Variants in NOA1 observed in about 807,000 individuals in gnomAD.
NOA1 encodes the protein nitric oxide associated 1, also known as nitric oxide-associated protein 1.
Under a neutral mutation model 58.4 loss-of-function variants are expected in NOA1, and 35 were observed. The observed-to-expected ratio is 0.60, with a 90% CI of 0.46 to 0.79. The LOEUF is 0.79. Among genes scored for constraint, NOA1 ranks in the 30% least tolerant of loss-of-function variants. NOA1 has a pLI of 0.00. For synonymous variants in NOA1, 397 were observed against 373.4 expected (o/e 1.06, Z -0.73); for missense variants, 895 against 894.6 (o/e 1.00, Z -0.01).
At chr4:56,964,862 G>A (rs1017175153) in intron 5 of NOA1, among the ~76,000 whole-genome samples, 6 of 152,142 alleles carry the variant, frequency 3.9e-5, no homozygotes, top group African/African-American at 9.7e-5. Context: ...ATTAAGGCAC[G>A]GTCCTTCTAA....
chr4:56,968,598 G>A, intron 3 of NOA1, 83 bp from the exon 4 acceptor site: 1 of 1,183,924 alleles, frequency 8.4e-7, no homozygotes, highest in Non-Finnish European at 1.2e-6. Context: ...AATAAAAAGT[G>A]ATGAAAAATA....
rs1184155821 is a variant in NOA1 at position 56,963,545 on chromosome 4, C to G, written c.2002G>C (p.Gly668Arg). The change falls in exon 7 of 7, where the codon GGA (glycine) becomes CGA (arginine). Residue 668 changes from glycine to arginine, a missense_variant. This residue lies in a region of NOA1 where 212 missense variants were observed against 221.3 expected (regional missense o/e 0.96). Transcript: ENST00000264230. Reference protein sequence around the residue: ...PLLPYIVNIKGQRIKKSVAYK... With the variant: ...PLLPYIVNIKRQRIKKSVAYK... ...GCCACACTTTTCTTGATGCGCTGTC[C>G]TTTGATGTTAACAATATATGGCAAG... 1 of 1,613,946 alleles carries G rather than the reference C, an allele frequency of 6.2e-7. No individual in the cohort carries two copies. The highest frequency in any genetic ancestry group is 8.5e-7 in the Non-Finnish European group (1 of 1,179,994).
intron 6 of NOA1, among the ~76,000 whole-genome samples, 182 bp downstream of exon 6, chr4:56,964,224 T>G (rs138179585): frequency 0.011 from 1,707 of 152,216 alleles, 33 homozygotes; most frequent in African/African-American, 0.039. Flanking sequence ...TGCGCCACCA[T>G]GCCCGGCTAA....
chr4:56,976,889 C>T lies in NOA1; in HGVS notation c.697G>A (p.Asp233Asn). The T allele has an allele frequency of 6.2e-7, 1 of 1,612,926 alleles. No individual in the cohort carries two copies. The highest frequency in any genetic ancestry group is 1.1e-5 in the South Asian group (1 of 91,044). ...TTGGGGCCCACCAGCGCGGGCAAGT[C>T]GGGCAGCAGGGCGTCGGGCAGGTCC... The part of the protein sequence containing the change: ...LLDLPDALLP[D>N]LPALVGPKQL... The change falls in exon 1 of 7, where the codon GAC (aspartate) becomes AAC (asparagine). Residue 233 changes from aspartate (D) to asparagine (N), a missense_variant. Asp to Asn is a conservative substitution (Grantham distance 23, BLOSUM62 1). Transcript: ENST00000264230.
At chr4:56,969,517 A>G (rs1721778077) in intron 3 of NOA1, among the ~76,000 whole-genome samples, 1 of 152,172 alleles carries the variant, frequency 6.6e-6, no homozygotes, top group South Asian at 2.1e-4. Flanking sequence ...GGTTGTGGTG[A>G]GCCGAGATTG....
chr4:56,967,366 A>T, intron 4 of NOA1, among the ~76,000 whole-genome samples: 1 of 151,442 alleles, frequency 6.6e-6, no homozygotes. Context: ...GGCAACAGAG[A>T]GAGATGCTGT....
At chr4:56,973,734 G>A (rs748932126) in intron 2 of NOA1, 124 bp downstream of exon 2, 11 of 916,144 alleles carry the variant, frequency 1.2e-5, no homozygotes, top group Non-Finnish European at 1.9e-5. Flanking sequence ...CCTCTTTGTT[G>A]CAGAATAAGG....
Position 56,977,507 on chromosome 4 carries a change from G to C in NOA1, c.79C>G (p.Leu27Val). Residue 27 changes from leucine to valine, a missense_variant, in exon 1 of 7, where the codon CTC (leucine) becomes GTC (valine). By Grantham distance (32) the Leu-to-Val change is conservative. This residue lies in a region of NOA1 where 680 missense variants were observed against 656.5 expected (regional missense o/e 1.04). Coordinates refer to ENST00000264230, the MANE Select transcript of NOA1 (RefSeq NM_032313.4). The part of the protein sequence containing the change: ...GSAPTAARHG[L>V]REPLLERRCA... ...CTCCTCTCCAGGAGCGGCTCCCGGA[G>C]GCCATGGCGCGCTGCCGTGGGAGCG... is the stretch of plus-strand genomic sequence containing the variant. 6.2e-7 allele frequency: 1 copy of C among 1,613,528 alleles called. No individual in the cohort carries two copies. Among genetic ancestry groups the C allele is most frequent in the Non-Finnish European group, 8.5e-7 (1 of 1,179,932 alleles).
In NOA1 at chr4:56,977,380, T is replaced by A; in HGVS notation, c.206A>T (p.Gln69Leu). Residue 69 changes from glutamine (Q) to leucine (L), a missense_variant, in exon 1 of 7, where the codon CAG becomes CTG. Gln to Leu is a moderately radical substitution (Grantham distance 113). This residue lies in a region of NOA1 where 680 missense variants were observed against 656.5 expected (regional missense o/e 1.04). Coordinates refer to ENST00000264230, the MANE Select transcript of NOA1 (RefSeq NM_032313.4). ...TEGFGEGGDMQERFLFPEYIL... is the reference protein window; with the variant it reads ...TEGFGEGGDMLERFLFPEYIL... Reference sequence around the variant, plus strand: ...GTACTCCGGGAACAGAAAACGCTCCTGCATGTCACCACCTTCTCCAAAGCC... The same window carrying A: ...GTACTCCGGGAACAGAAAACGCTCCAGCATGTCACCACCTTCTCCAAAGCC... 6.2e-7 allele frequency: 1 copy of A among 1,614,204 alleles called. No individual in the cohort carries two copies. Among genetic ancestry groups the A allele is most frequent in the Non-Finnish European group, 8.5e-7 (1 of 1,180,024 alleles).
At position 56,963,671 on chromosome 4, in the gene NOA1, C is replaced by T. The variant is rs760309033; in HGVS notation, c.1886-10G>A. On this transcript the variant is annotated splice_polypyrimidine_tract_variant and intron_variant, in intron 6 of 6. Coordinates refer to ENST00000264230, the MANE Select transcript of NOA1 (RefSeq NM_032313.4). ...GTTACTGAAACCCAACCTATGCAGG[C>T]ATGTGACACAACACAAAAGGCTGTT... 5.6e-6 allele frequency: 9 copies of T among 1,607,060 alleles called. No homozygotes were observed. The Admixed American group carries it at 1.5e-4, about 27-fold the overall frequency.
intron 2 of NOA1, 95 bp downstream of exon 2, chr4:56,973,762 CA>C: frequency 7.8e-7 from 1 of 1,275,200 alleles, no homozygotes; most frequent in Non-Finnish European, 1.1e-6. Flanking sequence ...TCTCTCCCCA[CA>C]AAAACTGGCT....
intron 1 of NOA1, 65 bp from the exon 2 acceptor site, chr4:56,974,087 T>TAATGATTCGGCGACCACC: frequency 1.9e-6 from 2 of 1,060,830 alleles, no homozygotes; most frequent in Non-Finnish European, 2.7e-6. Context: ...TGAACATTTT[T>TAATGATTCGGCGACCACC]GAGGATCTAC....
Position 56,977,342 on chromosome 4 carries a change from C to T in NOA1, c.244G>A (p.Glu82Lys), listed in dbSNP as rs1721967931. ...FLFPEYILDP[E>K]PQPTREKQLQ... ...TGCTTTTCGCGGGTGGGTTGCGGCT[C>T]CGGATCCAGGATGTACTCCGGGAAC... Residue 82 changes from glutamate (E) to lysine (K), a missense_variant, in exon 1 of 7, where the codon GAG becomes AAG. This residue lies in a region of NOA1 where 680 missense variants were observed against 656.5 expected (regional missense o/e 1.04). Coordinates refer to ENST00000264230, the MANE Select transcript of NOA1 (RefSeq NM_032313.4). The T allele has an allele frequency of 2.5e-6, 4 of 1,614,068 alleles. No individual in the cohort carries two copies. The highest frequency in any genetic ancestry group is 3.4e-6 in the Non-Finnish European group (4 of 1,180,046).
At chr4:56,969,931 C>A (rs564372193) in intron 3 of NOA1, among the ~76,000 whole-genome samples, 1 of 144,732 alleles carries the variant, frequency 6.9e-6, no homozygotes, top group African/African-American at 2.6e-5. Flanking sequence ...CAGACGTGCG[C>A]CACCATGCTT....
chr4:56,967,035 T>G (rs1000277479), intron 4 of NOA1, among the ~76,000 whole-genome samples: 1 of 152,116 alleles, frequency 6.6e-6, no homozygotes, highest in Non-Finnish European at 1.5e-5. Context: ...TTTAATTGTC[T>G]CTGTGTAAAG....
intron 3 of NOA1, among the ~76,000 whole-genome samples, chr4:56,971,030 A>G (rs373626424): frequency 2.0e-5 from 3 of 152,256 alleles, no homozygotes; most frequent in Admixed American, 6.5e-5. Context: ...GGGAAGAATT[A>G]GTCTGGGCGT....
chr4:56,975,006 G>T (rs1362988912), intron 1 of NOA1, among the ~76,000 whole-genome samples: 1 of 149,078 alleles, frequency 6.7e-6, no homozygotes, highest in African/African-American at 2.5e-5. Flanking sequence ...CCTGGCCACA[G>T]AAGTTTCTTA....
At chr4:56,973,645 T>C (rs1339731186) in intron 2 of NOA1, among the ~76,000 whole-genome samples, 3 of 152,170 alleles carry the variant, frequency 2.0e-5, no homozygotes, top group African/African-American at 4.8e-5. Flanking sequence ...CAACCTAATC[T>C]AAAGCTGCTG....
At chr4:56,967,339 C>G (rs1721731941) in intron 4 of NOA1, among the ~76,000 whole-genome samples, 1 of 150,968 alleles carries the variant, frequency 6.6e-6, no homozygotes, top group African/African-American at 2.4e-5. Flanking sequence ...GTGACTGTAC[C>G]ACTGCACTCC....
Sources: gnomAD v4.1 joint callset for allele counts (sites outside exome capture counted in the v4.1 genomes callset) on GRCh38, gnomAD v4.1.1 for gene constraint, gnomAD v4.1.1 regional missense constraint, MANE v1.5 for transcripts, NCBI Gene and HGNC (gene_info 2026-07-23, HGNC 2026-07-21) for gene names.